Variants in DENND4C observed in about 807,000 individuals in gnomAD.
DENND4C encodes the protein DENN domain-containing protein 4C.
DENND4C carries 108 observed loss-of-function variants against 203.0 expected under a neutral mutation model. The ratio of observed to expected loss-of-function variants is 0.53; its 90% CI spans 0.46 to 0.62. The LOEUF is 0.62. Ranked by LOEUF, DENND4C falls within the 20% of genes least tolerant of loss-of-function variation. The pLI, the probability that DENND4C is intolerant of heterozygous loss-of-function variation, is 0.00. For missense variants in DENND4C, 2,481 were observed against 2,301.2 expected, an observed-to-expected ratio of 1.08 and a Z score of -1.60; for synonymous variants, 871 against 792.4, an observed-to-expected ratio of 1.10 and a Z score of -1.67.
At chr9:19,256,711 A>G (rs1430291533) in intron 1 of DENND4C, among the ~76,000 whole-genome samples, 1 of 152,118 alleles carries the variant, frequency 6.6e-6, no homozygotes, top group African/African-American at 2.4e-5. Flanking sequence ...TTTTAGTAAG[A>G]AACCTCATCC....
Position 19,372,966 on chromosome 9 carries a change from T to TAAA in DENND4C, c.*793_*794insAAA. 1 of 152,218 alleles carries TAAA rather than the reference T, an allele frequency of 6.6e-6. No homozygotes were observed. Among genetic ancestry groups the TAAA allele is most frequent in the Non-Finnish European group, 1.5e-5 (1 of 68,016 alleles). The allele number at this position is 152,218 out of a possible 1,614,324, so 9.4% of individuals were successfully genotyped here. A position where few individuals can be genotyped will look rare whatever the true frequency, so the allele number is the denominator to read the frequency against. ...CAGCCATATTCTAAGTGTATATTTA[T>TAAA]TAAAATAGATTGCATGTTGCAATAC... On this transcript the variant is annotated 3_prime_UTR_variant, in exon 33 of 33. Transcript: ENST00000434457.
intron 1 of DENND4C, among the ~76,000 whole-genome samples, chr9:19,242,488 A>T (rs966483045): frequency 6.6e-6 from 1 of 152,180 alleles, no homozygotes; most frequent in African/African-American, 2.4e-5. Context: ...TTAGCTTTGT[A>T]AGAAACTGCC....
chr9:19,298,128 C>G lies in DENND4C; in HGVS notation c.1107+6C>G, dbSNP rs181349346. On this transcript the variant is annotated splice_donor_region_variant and intron_variant, in intron 7 of 32. Coordinates refer to ENST00000434457, the MANE Select transcript of DENND4C (RefSeq NM_001330640.2). ...GACCGAGAATCCTTGTCCAGGTAATCAAAAGAGAGTATATTTGGGGAGAAC... is the reference window on the plus strand; with the variant it reads ...GACCGAGAATCCTTGTCCAGGTAATGAAAAGAGAGTATATTTGGGGAGAAC... The G allele has an allele frequency of 1.2e-6, 2 of 1,605,800 alleles. No homozygotes were observed. The highest frequency in any genetic ancestry group is 1.7e-6 in the Non-Finnish European group (2 of 1,175,278).
intron 20 of DENND4C, among the ~76,000 whole-genome samples, chr9:19,339,879 G>C (rs1056367686): frequency 3.9e-5 from 6 of 152,020 alleles, no homozygotes; most frequent in Non-Finnish European, 2.9e-5. Context: ...TTTATTATCA[G>C]TATGGACTGA....
At chr9:19,323,261 C>G (rs1305454035) in intron 12 of DENND4C, among the ~76,000 whole-genome samples, 3 of 152,108 alleles carry the variant, frequency 2.0e-5, no homozygotes, top group Admixed American at 6.5e-5. Context: ...GTGAAACCGT[C>G]TCTACTAAAA....
chr9:19,259,669 C>T (rs890792517), intron 1 of DENND4C, among the ~76,000 whole-genome samples: 4 of 151,904 alleles, frequency 2.6e-5, no homozygotes, highest in African/African-American at 9.7e-5. Flanking sequence ...CCACTCCTGG[C>T]TAATTTTGTA....
rs1163827825 is a variant in DENND4C, at chr9:19,360,303, A to G, written c.5220A>G (p.Leu1740=). The change falls in exon 29 of 33, where the codon CTA becomes CTG. Residue 1740 remains leucine, a synonymous_variant. Coordinates refer to ENST00000434457, the MANE Select transcript of DENND4C (RefSeq NM_001330640.2). ...PPVSVPYLSP[L]VLRKELESLL... is the part of the protein sequence containing the mutation. The stretch of plus-strand genomic sequence containing the variant: ...TTTCTGTGCCCTACTTGAGTCCTCT[A>G]GTACTCCGTAAAGAACTTGAATCTT... The G allele has an allele frequency of 6.2e-7, 1 of 1,613,934 alleles. No individual in the cohort carries two copies. Among genetic ancestry groups the G allele is most frequent in the Non-Finnish European group, 8.5e-7 (1 of 1,179,960 alleles).
At chr9:19,337,537 C>T in intron 20 of DENND4C, 1 of 956,532 alleles carries the variant, frequency 1.0e-6, no homozygotes, top group Non-Finnish European at 1.3e-6. Flanking sequence ...TGTTGCTTTG[C>T]TTTTTGCTCT....
At chr9:19,337,615 C>T (rs1460263284) in intron 20 of DENND4C, 31 of 1,282,834 alleles carry the variant, frequency 2.4e-5, no homozygotes, top group Middle Eastern at 2.1e-4. Flanking sequence ...ACTTATATGA[C>T]GTGAAGCTAT....
Position 19,374,176 on chromosome 9 carries a change from C to T in DENND4C, c.*2003C>T, listed in dbSNP as rs536330388. ...TTGAAATCTGTAATCTTTAGAATCCCAATATTTTGTTTTTTCCATTCCTTC... is the reference window on the plus strand; with the variant it reads ...TTGAAATCTGTAATCTTTAGAATCCTAATATTTTGTTTTTTCCATTCCTTC... On this transcript the variant is annotated 3_prime_UTR_variant, in exon 33 of 33. Transcript: ENST00000434457. 6.6e-5 allele frequency among the ~76,000 whole-genome samples: 10 copies of T among 151,994 alleles called. No homozygotes were observed. Among genetic ancestry groups the T allele is most frequent in the African/African-American group, 2.4e-4 (10 of 41,444 alleles).
chr9:19,356,145 A>G (rs1369243367), intron 26 of DENND4C, among the ~76,000 whole-genome samples: 1 of 152,086 alleles, frequency 6.6e-6, no homozygotes, highest in East Asian at 1.9e-4. Context: ...TTTACACTTT[A>G]CTATACTTAG....
chr9:19,360,322 G>T lies in DENND4C; in HGVS notation c.5239G>T (p.Glu1747Ter). 6.2e-7 allele frequency: 1 copy of T among 1,614,020 alleles called. No homozygotes were observed. The highest frequency in any genetic ancestry group is 1.1e-5 in the South Asian group (1 of 91,080). The change falls in exon 29 of 33, where the codon GAA becomes TAA. Residue 1747 changes from glutamate to a stop codon, truncating the protein, a stop_gained. Coordinates refer to ENST00000434457, the MANE Select transcript of DENND4C (RefSeq NM_001330640.2). LOFTEE classifies it high-confidence loss of function. Reference sequence around the variant, plus strand: ...TCCTCTAGTACTCCGTAAAGAACTTGAATCTTTGCTAGAAAATGAAGGTGA... The same window carrying T: ...TCCTCTAGTACTCCGTAAAGAACTTTAATCTTTGCTAGAAAATGAAGGTGA... Reference protein sequence around the residue: ...LSPLVLRKELESLLENEGDQV... With the variant: ...LSPLVLRKEL
intron 30 of DENND4C, among the ~76,000 whole-genome samples, chr9:19,362,888 T>A (rs1420503286): frequency 6.6e-6 from 1 of 152,194 alleles, no homozygotes; most frequent in East Asian, 1.9e-4. Flanking sequence ...TACAATTCAG[T>A]AGAGAAATGA....
intron 10 of DENND4C, 58 bp downstream of exon 10, chr9:19,305,585 A>C: frequency 6.7e-7 from 1 of 1,502,392 alleles, no homozygotes; most frequent in Non-Finnish European, 9.0e-7. Context: ...GTAGAGTTAC[A>C]GTTCTTTGAA....
chr9:19,352,412 T>C, intron 25 of DENND4C, 78 bp from the exon 26 acceptor site: 1 of 1,381,268 alleles, frequency 7.2e-7, no homozygotes, highest in Non-Finnish European at 9.8e-7. Flanking sequence ...ATAAAAAAAA[T>C]CCCATTATCT....
At chr9:19,253,390 T>A (rs1206568881) in intron 1 of DENND4C, among the ~76,000 whole-genome samples, 1 of 152,194 alleles carries the variant, frequency 6.6e-6, no homozygotes, top group Non-Finnish European at 1.5e-5. Context: ...TATAAAACTT[T>A]CAGTGGCAGG....
intron 1 of DENND4C, among the ~76,000 whole-genome samples, chr9:19,246,629 T>C (rs1825341916): frequency 6.9e-6 from 1 of 145,124 alleles, no homozygotes; most frequent in Admixed American, 7.0e-5. Flanking sequence ...TGCAGACCAC[T>C]TTTTTTTTTT....
chr9:19,270,717 A>G (rs1831470209), intron 1 of DENND4C, among the ~76,000 whole-genome samples: 1 of 152,160 alleles, frequency 6.6e-6, no homozygotes, highest in East Asian at 1.9e-4. Context: ...TTATCTTAAC[A>G]GTGTACCGGA....
chr9:19,249,181 A>T (rs192629163), intron 1 of DENND4C, among the ~76,000 whole-genome samples: 1 of 152,066 alleles, frequency 6.6e-6, no homozygotes, highest in Admixed American at 6.6e-5. Context: ...TGGTATTTTC[A>T]TTGCTTTAAT....
Sources: gnomAD v4.1 joint callset for allele counts (sites outside exome capture counted in the v4.1 genomes callset) on GRCh38, gnomAD v4.1.1 for gene constraint, MANE v1.5 for transcripts, NCBI Gene and HGNC (gene_info 2026-07-23, HGNC 2026-07-21) for gene names.